Variants in LMCD1 observed in about 807,000 individuals in gnomAD.
LMCD1 encodes LIM and cysteine rich domains 1.
A neutral mutation model predicts 42.7 loss-of-function variants in LMCD1; 32 were observed. The observed-to-expected ratio is 0.75, with a 90% CI of 0.57 to 1.01. The LOEUF (loss-of-function observed/expected upper bound fraction) is 1.01. LMCD1 is among the 50% of genes least tolerant of loss of function. The probability of loss-of-function intolerance (pLI) is 0.00; values close to 1 mark genes in which losing one functional copy is unlikely to be tolerated. For synonymous variants in LMCD1, 178 were observed against 184.9 expected, an observed-to-expected ratio of 0.96 and a Z score of 0.30; for missense variants, 458 against 483.1, an observed-to-expected ratio of 0.95 and a Z score of 0.49.
At chr3:8,547,163 C>G (rs73130090) in intron 3 of LMCD1, among the ~76,000 whole-genome samples, 17,050 of 152,148 alleles carry the variant, frequency 0.11, 1,127 homozygotes, top group South Asian at 0.22. Flanking sequence ...AGCAAGTAGA[C>G]AGCTAGCTAC....
rs774498944 is a variant in LMCD1 at position 8,548,810 on chromosome 3, G to A, written c.630G>A (p.Glu210=). 6 of 1,606,632 alleles carry A rather than the reference G, an allele frequency of 3.7e-6. No individual in the cohort carries two copies. The highest frequency in any genetic ancestry group is 5.1e-6 in the Non-Finnish European group (6 of 1,173,990). ...CGGGGCAGGGTGGCTTGCCCAAGGA[G>A]GAGGGGAAGCAGCAGGAAAAGCCAG... ...ALPGQGGLPK[E]EGKQQEKPEG... is the part of the protein sequence containing the mutation. The change falls in exon 4 of 6, where the codon GAG becomes GAA. Residue 210 remains glutamate (E), a synonymous_variant. Transcript: ENST00000157600.
rs1414825561 is a variant in LMCD1, at chr3:8,573,950, C to A, written c.*6352C>A. ...TGCTTTCTGGAATCTGCTTTCTAGT[C>A]AGAAAGTGCAGAAGAAGGGCTAGCT... On this transcript the variant is annotated 3_prime_UTR_variant, in exon 6 of 6. Coordinates refer to ENST00000157600, the MANE Select transcript of LMCD1 (RefSeq NM_014583.4). The A allele has an allele frequency of 6.6e-6, 1 of 151,838 alleles. No individual in the cohort carries two copies. The highest frequency in any genetic ancestry group is 1.5e-5 in the Non-Finnish European group (1 of 67,994). 9.4% of individuals were successfully genotyped at this position (151,838 alleles called of 1,614,324 possible). A position where few individuals can be genotyped will look rare whatever the true frequency, so the allele number is the denominator to read the frequency against.
chr3:8,547,885 C>CAA (rs60376714), intron 3 of LMCD1, among the ~76,000 whole-genome samples: 11 of 147,124 alleles, frequency 7.5e-5, no homozygotes, highest in African/African-American at 2.0e-4. Flanking sequence ...GACTCCATCT[C>CAA]AAAAAAAAAA....
intron 5 of LMCD1, among the ~76,000 whole-genome samples, chr3:8,567,116 C>G (rs1289502781): frequency 1.3e-5 from 2 of 152,182 alleles, no homozygotes; most frequent in Non-Finnish European, 2.9e-5. Context: ...TATCCTTAAG[C>G]TTTCTTCACC....
chr3:8,550,774 CTGTT>C, intron 4 of LMCD1: 1 of 985,264 alleles, frequency 1.0e-6, no homozygotes, highest in Non-Finnish European at 1.2e-6. Context: ...CCTCAAATAG[CTGTT>C]TGTTCATAAA....
At chr3:8,502,569 T>TACACACAC (rs5846600) in intron 1 of LMCD1, among the ~76,000 whole-genome samples, 4 of 134,354 alleles carry the variant, frequency 3.0e-5, no homozygotes, top group Non-Finnish European at 6.1e-5. Context: ...TTTCCCCCAA[T>TACACACAC]ACACACACAC....
chr3:8,527,584 C>G (rs1694324279), intron 1 of LMCD1, among the ~76,000 whole-genome samples: 1 of 152,128 alleles, frequency 6.6e-6, no homozygotes, highest in Non-Finnish European at 1.5e-5. Context: ...TCCCAGAACC[C>G]CTAGGGAAGG....
intron 1 of LMCD1, among the ~76,000 whole-genome samples, chr3:8,508,272 T>G (rs1472193980): frequency 6.6e-6 from 1 of 152,232 alleles, no homozygotes; most frequent in Non-Finnish European, 1.5e-5. Context: ...CTAGTCAGCC[T>G]GACCCATGGC....
chr3:8,572,450 T>A lies in LMCD1; in HGVS notation c.*4852T>A, dbSNP rs1695234347. Reference sequence around the variant, plus strand: ...ACTTTGAGACTATGTCAATGTCCTGTTCTTCATCAAAATTCCACTCACTCA... The same window carrying A: ...ACTTTGAGACTATGTCAATGTCCTGATCTTCATCAAAATTCCACTCACTCA... On this transcript the variant is annotated 3_prime_UTR_variant, in exon 6 of 6. Coordinates refer to ENST00000157600, the MANE Select transcript of LMCD1 (RefSeq NM_014583.4). The A allele has an allele frequency of 6.6e-6, 1 of 152,230 alleles. No individual in the cohort carries two copies. The highest frequency in any genetic ancestry group is 2.4e-5 in the African/African-American group (1 of 41,452). 9.4% of individuals were successfully genotyped at this position (152,230 alleles called of 1,614,324 possible).
intron 4 of LMCD1, among the ~76,000 whole-genome samples, chr3:8,551,542 C>CT (rs1308954374): frequency 6.6e-6 from 1 of 152,220 alleles, no homozygotes; most frequent in Non-Finnish European, 1.5e-5. Flanking sequence ...ATCCAATACC[C>CT]TTTCTGTGAT....
intron 1 of LMCD1, among the ~76,000 whole-genome samples, chr3:8,502,958 A>T (rs1417246437): frequency 6.6e-6 from 1 of 152,172 alleles, no homozygotes; most frequent in Non-Finnish European, 1.5e-5. Flanking sequence ...AGCCCTAGGC[A>T]TCCAGACTCA....
chr3:8,549,834 G>T (rs754271070), intron 4 of LMCD1: 6 of 706,028 alleles, frequency 8.5e-6, no homozygotes, highest in Non-Finnish European at 1.5e-5. Context: ...GTGGCAAGGG[G>T]GCTGGGTGTG....
At chr3:8,557,155 GCCTTGGGAAGACTATA>G (rs1694943322) in intron 4 of LMCD1, among the ~76,000 whole-genome samples, 1 of 152,220 alleles carries the variant, frequency 6.6e-6, no homozygotes, top group East Asian at 1.9e-4. Context: ...ACCATAGGGA[GCCTTGGGAAGACTATA>G]CAGTGTGGGG....
At chr3:8,516,384 G>C (rs1694101149) in intron 1 of LMCD1, among the ~76,000 whole-genome samples, 1 of 152,150 alleles carries the variant, frequency 6.6e-6, no homozygotes, top group South Asian at 2.1e-4. Context: ...AGTCCTTGAT[G>C]AATATTTATA....
At chr3:8,518,084 C>G (rs939752406) in intron 1 of LMCD1, among the ~76,000 whole-genome samples, 28 of 151,738 alleles carry the variant, frequency 1.8e-4, no homozygotes, top group African/African-American at 6.5e-4. Context: ...AGAACAGAAA[C>G]TATTTGCCAG....
At chr3:8,519,225 C>T (rs1021218204) in intron 1 of LMCD1, among the ~76,000 whole-genome samples, 1 of 151,966 alleles carries the variant, frequency 6.6e-6, no homozygotes, top group Non-Finnish European at 1.5e-5. Flanking sequence ...ATACAAGGTA[C>T]GGGGTTTTCT....
chr3:8,567,776 G>A lies in LMCD1; in HGVS notation c.*178G>A. Reference sequence around the variant, plus strand: ...AGATATATATTCTAGGTTGGGTGGTGGTAGATCCTTGAGGGTCAGTAGTTT... The same window carrying A: ...AGATATATATTCTAGGTTGGGTGGTAGTAGATCCTTGAGGGTCAGTAGTTT... On this transcript the variant is annotated 3_prime_UTR_variant, in exon 6 of 6. Transcript: ENST00000157600. The A allele has an allele frequency of 2.1e-6, 1 of 481,124 alleles. No individual in the cohort carries two copies. The highest frequency in any genetic ancestry group is 3.3e-6 in the Non-Finnish European group (1 of 298,566). The allele number at this position is 481,124 out of a possible 1,614,324, so 29.8% of individuals were successfully genotyped here.
chr3:8,559,309 C>A (rs536757933), intron 4 of LMCD1, among the ~76,000 whole-genome samples: 1 of 152,004 alleles, frequency 6.6e-6, no homozygotes, highest in East Asian at 1.9e-4. Flanking sequence ...TCCCTCTGGG[C>A]TTTACATTTC....
At chr3:8,514,388 TG>T (rs1195662522) in intron 1 of LMCD1, among the ~76,000 whole-genome samples, 5 of 152,172 alleles carry the variant, frequency 3.3e-5, no homozygotes, top group Admixed American at 6.5e-5. Context: ...GTGGAGCAAC[TG>T]GAACTCACAG....
Sources: allele counts gnomAD v4.1 joint callset (sites outside exome capture counted in the v4.1 genomes callset), GRCh38; gene constraint gnomAD v4.1.1; transcripts MANE v1.5; gene names NCBI Gene and HGNC (gene_info 2026-07-23, HGNC 2026-07-21).